CD44: variants seen among roughly 807,000 people sequenced by gnomAD.
CD44 encodes CD44 molecule (IN blood group), also known as CD44 antigen.
Under a neutral mutation model 88.8 loss-of-function variants are expected in CD44, and 49 were observed. The observed-to-expected ratio is 0.55, with a 90% CI of 0.44 to 0.70. The LOEUF is 0.70. Ranked by LOEUF, CD44 falls within the 30% of genes least tolerant of loss-of-function variation. The pLI is 0.00. For synonymous variants in CD44, 325 were observed against 312.3 expected (o/e 1.04, Z -0.43); for missense variants, 883 against 913.8 (o/e 0.97, Z 0.43).
chr11:35,173,652 T>C (rs535408603), intron 1 of CD44, among the ~76,000 whole-genome samples: 1 of 152,336 alleles, frequency 6.6e-6, no homozygotes, highest in African/African-American at 2.4e-5. Context: ...TTTACTATTT[T>C]CAGAATCAAG....
Position 35,231,984 on chromosome 11 carries a change from T to A in CD44, c.*2651T>A, listed in dbSNP as rs1950082933. On this transcript the variant is annotated 3_prime_UTR_variant, in exon 18 of 18. Coordinates refer to ENST00000428726, the MANE Select transcript of CD44 (RefSeq NM_000610.4). Reference sequence around the variant, plus strand: ...TAGAATTGGCTTTTCTAGCAGAACCTTTCCAAAAGTTTTATATTGAGATTC... The same window carrying A: ...TAGAATTGGCTTTTCTAGCAGAACCATTCCAAAAGTTTTATATTGAGATTC... 1 of 152,228 alleles carries A rather than the reference T, an allele frequency of 6.6e-6. No homozygotes were observed. Among genetic ancestry groups the A allele is most frequent in the South Asian group, 2.1e-4 (1 of 4,836 alleles). 9.4% of individuals were successfully genotyped at this position (152,228 alleles called of 1,614,324 possible). A position where few individuals can be genotyped will look rare whatever the true frequency, so the allele number is the denominator to read the frequency against.
intron 1 of CD44, among the ~76,000 whole-genome samples, chr11:35,145,494 C>T (rs1031256515): frequency 5.3e-5 from 8 of 152,006 alleles, no homozygotes; most frequent in East Asian, 1.9e-4. Context: ...TGTTTGTTTG[C>T]GGCTTTGGTG....
At chr11:35,215,572 A>C (rs904909145) in intron 15 of CD44, among the ~76,000 whole-genome samples, 1 of 152,194 alleles carries the variant, frequency 6.6e-6, no homozygotes, top group Non-Finnish European at 1.5e-5. Context: ...TGGAACTGCC[A>C]TTATTGTAGG....
At chr11:35,222,126 A>G (rs1314005126) in intron 17 of CD44, among the ~76,000 whole-genome samples, 2 of 152,252 alleles carry the variant, frequency 1.3e-5, no homozygotes, top group African/African-American at 2.4e-5. Flanking sequence ...ACACAAAAGT[A>G]TATACTCATT....
Position 35,199,880 on chromosome 11 carries a change from T to G in CD44, c.923-1202T>G, listed in dbSNP as rs780585297. On this transcript the variant is annotated intron_variant, in intron 7 of 17. Coordinates refer to ENST00000428726, the MANE Select transcript of CD44 (RefSeq NM_000610.4). ...CCTTGGGTGGTAACCCAAACAGATC[T>G]ACCTGTAAATGAATTGTATGGTCAG... 1.6e-3 allele frequency among the ~76,000 whole-genome samples: 235 copies of G among 150,432 alleles called. 3 individuals carry two copies. Among genetic ancestry groups the G allele is most frequent in the East Asian group, 7.8e-4 (4 of 5,096 alleles).
intron 10 of CD44, 63 bp downstream of exon 10, chr11:35,204,703 T>C (rs1947659455): frequency 3.5e-6 from 5 of 1,439,332 alleles, no homozygotes; most frequent in Non-Finnish European, 4.8e-6. Flanking sequence ...ACGGTAGACA[T>C]TGAGGACATT....
intron 2 of CD44, 27 bp from the exon 3 acceptor site, chr11:35,180,247 C>T: frequency 6.2e-7 from 1 of 1,612,902 alleles, no homozygotes. Context: ...CCATTTAGGT[C>T]AATATCCTGT....
At chr11:35,198,545 A>C (rs1307149965) in intron 7 of CD44, 2 of 304,348 alleles carry the variant, frequency 6.6e-6, no homozygotes, top group Non-Finnish European at 1.2e-5. Context: ...ACATTAAAAC[A>C]GTACAAAAAA....
At chr11:35,219,923 A>G (rs1949150366) in intron 16 of CD44, among the ~76,000 whole-genome samples, 1 of 152,226 alleles carries the variant, frequency 6.6e-6, no homozygotes, top group African/African-American at 2.4e-5. Flanking sequence ...TTCAGAAAGT[A>G]TGCATGTGCA....
intron 1 of CD44, among the ~76,000 whole-genome samples, chr11:35,175,708 T>G (rs1434021309): frequency 1.3e-5 from 2 of 152,228 alleles, no homozygotes; most frequent in African/African-American, 4.8e-5. Flanking sequence ...AAAAACTTTG[T>G]TGCAGAGCAA....
chr11:35,215,979 G>C (rs1348502172), intron 15 of CD44, among the ~76,000 whole-genome samples: 1 of 150,620 alleles, frequency 6.6e-6, no homozygotes, highest in African/African-American at 2.4e-5. Context: ...TGTGACATAG[G>C]TAAGTACTAT....
In CD44 at chr11:35,214,722, A is replaced by G. The variant is rs1005611002; in HGVS notation, c.1811-130A>G. The G allele has an allele frequency of 6.5e-5, 29 of 446,314 alleles. No homozygotes were observed. The Admixed American group carries it at 1.3e-3, about 19-fold the overall frequency. The allele number at this position is 446,314 out of a possible 1,614,324, so 27.6% of individuals were successfully genotyped here. ...TGGACCCATTCAAGGCTGTTTTGCC[A>G]TCATTTTTTGGAATACCTTAAAAAG... On this transcript the variant is annotated intron_variant, in intron 14 of 17. Transcript: ENST00000428726.
chr11:35,151,247 G>T (rs1368916664), intron 1 of CD44, among the ~76,000 whole-genome samples: 1 of 152,096 alleles, frequency 6.6e-6, no homozygotes, highest in African/African-American at 2.4e-5. Context: ...TTCATGAAAA[G>T]AACAGTGAGA....
At chr11:35,195,443 C>A (rs1216356379) in intron 5 of CD44, among the ~76,000 whole-genome samples, 1 of 151,918 alleles carries the variant, frequency 6.6e-6, no homozygotes. Flanking sequence ...ACAGAGATTG[C>A]AGAATAAAGA....
At chr11:35,212,722 T>C (rs1948506129) in intron 14 of CD44, 1 of 152,238 alleles carries the variant, frequency 6.6e-6, no homozygotes, top group Non-Finnish European at 1.5e-5. Context: ...TGTTCTGCTC[T>C]CATTTATTAA....
Position 35,196,810 on chromosome 11 carries a change from G to C in CD44, c.732G>C (p.Trp244Cys), listed in dbSNP as rs752464081. The change falls in exon 6 of 18, where the codon TGG becomes TGC. Residue 244 changes from tryptophan to cysteine, a missense_variant. Physicochemically the swap from Trp to Cys is radical, Grantham distance 215. Around this residue, in one of 2 missense-constraint regions of CD44, gnomAD observed 252 missense variants for 322.9 expected, o/e 0.78. Transcript: ENST00000428726. ...CCAAGAGGCAAGAAACCTGGGATTG[G>C]TTTTCATGGTTGTTTCTACCATCAG... The part of the protein sequence containing the change: ...TATKRQETWD[W>C]FSWLFLPSES... The C allele has an allele frequency of 3.6e-5, 58 of 1,613,620 alleles. No individual in the cohort carries two copies. The highest frequency in any genetic ancestry group is 6.7e-5 in the Admixed American group (4 of 59,984).
chr11:35,207,958 T>C, intron 11 of CD44, 147 bp from the exon 12 acceptor site: 1 of 579,928 alleles, frequency 1.7e-6, no homozygotes, highest in Non-Finnish European at 3.1e-6. Context: ...AACAATAATC[T>C]ATCTCAGTTC....
intron 2 of CD44, among the ~76,000 whole-genome samples, chr11:35,178,261 T>C (rs1944657074): frequency 6.6e-6 from 1 of 152,234 alleles, no homozygotes; most frequent in Non-Finnish European, 1.5e-5. Flanking sequence ...TATGCTGCCA[T>C]GTGCTGAGGA....
In CD44 at chr11:35,230,586, G is replaced by A. The variant is rs1950013037; in HGVS notation, c.*1253G>A. The A allele has an allele frequency of 6.6e-6, 1 of 152,210 alleles. No homozygotes were observed. Among genetic ancestry groups the A allele is most frequent in the African/African-American group, 2.4e-5 (1 of 41,444 alleles). The allele number at this position is 152,210 out of a possible 1,614,324, so 9.4% of individuals were successfully genotyped here. ...CACACCAGTGTCTGTTCTTGATGCAGTTGCTATTTAGGATGAGTTAAGTGC... is the reference window on the plus strand; with the variant it reads ...CACACCAGTGTCTGTTCTTGATGCAATTGCTATTTAGGATGAGTTAAGTGC... On this transcript the variant is annotated 3_prime_UTR_variant, in exon 18 of 18. Transcript: ENST00000428726.
Sources: allele counts gnomAD v4.1 joint callset (sites outside exome capture counted in the v4.1 genomes callset), GRCh38; gene constraint gnomAD v4.1.1; regional missense constraint gnomAD v4.1.1; transcripts MANE v1.5; gene names NCBI Gene and HGNC (gene_info 2026-07-23, HGNC 2026-07-21).